Variants in SGCB observed in about 807,000 individuals in gnomAD.
SGCB encodes sarcoglycan beta, also known as beta-sarcoglycan.
SGCB carries 25 observed loss-of-function variants against 27.3 expected under a neutral mutation model. That is an observed-to-expected ratio of 0.92 (90% confidence interval 0.67 to 1.28). The LOEUF is 1.28. Ranked by LOEUF, SGCB falls within the 50% of genes most tolerant of loss-of-function variation. SGCB has a pLI of 0.00. For missense variants in SGCB, 436 were observed against 402.1 expected (o/e 1.08, Z -0.72); for synonymous variants, 147 against 133.5 (o/e 1.10, Z -0.70).
chr4:52,024,075 C>G lies in SGCB; in HGVS notation c.839G>C (p.Gly280Ala). 2 of 1,613,940 alleles carry G rather than the reference C, an allele frequency of 1.2e-6. No individual in the cohort carries two copies. The highest frequency in any genetic ancestry group is 1.7e-6 in the Non-Finnish European group (2 of 1,179,942). ...GCAGAGCTTGTAGCGTACCCAGTCA[C>G]CACTACCCAACTGGTCTCCACTGGA... ...SSSSGDQLGS[G>A]DWVRYKLCMC... Residue 280 changes from glycine (G) to alanine (A), a missense_variant, in exon 6 of 6, where the codon GGT becomes GCT. By Grantham distance (60) the Gly-to-Ala change is moderately conservative. Coordinates refer to ENST00000381431, the MANE Select transcript of SGCB (RefSeq NM_000232.5).
Position 52,033,649 on chromosome 4 carries a change from G to A in SGCB, c.34-9C>T, listed in dbSNP as rs886059439. 1 of 1,601,712 alleles carries A rather than the reference G, an allele frequency of 6.2e-7. No individual in the cohort carries two copies. The highest frequency in any genetic ancestry group is 1.1e-5 in the South Asian group (1 of 90,858). On this transcript the variant is annotated splice_polypyrimidine_tract_variant and intron_variant, in intron 1 of 5. Coordinates refer to ENST00000381431, the MANE Select transcript of SGCB (RefSeq NM_000232.5). ...GGACCATTGGAACTTTGCTAAAAAT[G>A]AAATACAACATAATGGAACAGCTAT...
At chr4:52,032,903 T>C (rs1427087802) in intron 2 of SGCB, among the ~76,000 whole-genome samples, 1 of 152,242 alleles carries the variant, frequency 6.6e-6, no homozygotes, top group African/African-American at 2.4e-5. Context: ...TATCAGGTCC[T>C]CAGTACTTTA....
rs1424967548 is a variant in SGCB at position 52,023,363 on chromosome 4, A to G, written c.*594T>C. 1 of 152,964 alleles carries G rather than the reference A, an allele frequency of 6.5e-6. No individual in the cohort carries two copies. Among genetic ancestry groups the G allele is most frequent in the African/African-American group, 2.4e-5 (1 of 41,450 alleles). The allele number at this position is 152,964 out of a possible 1,614,324, so 9.5% of individuals were successfully genotyped here. On this transcript the variant is annotated 3_prime_UTR_variant, in exon 6 of 6. Transcript: ENST00000381431. ...TTCCACCACATTGTGAACAATTGAT[A>G]GTTATCATTATTTCAAATAAACATT...
At chr4:52,027,771 T>C (rs560020839) in intron 5 of SGCB, among the ~76,000 whole-genome samples, 197 bp downstream of exon 5, 2 of 152,328 alleles carry the variant, frequency 1.3e-5, no homozygotes, top group Non-Finnish European at 2.9e-5. Flanking sequence ...TAAACATACA[T>C]ATGTTCTGAA....
rs758245081 is a variant in SGCB, at chr4:52,038,248, C to A, written c.12G>T (p.Ala4=). The change falls in exon 1 of 6, where the codon GCG becomes GCT. Residue 4 remains alanine, a synonymous_variant. Transcript: ENST00000381431. MAA[A]AAAAAEQQSS... is the part of the protein sequence containing the mutation. ...AGACCTGTTCTGCAGCCGCCGCCGC[C>A]GCTGCCGCCATCTTCCCGCGCCCGC... 6 of 1,288,590 alleles carry A rather than the reference C, an allele frequency of 4.7e-6. No individual in the cohort carries two copies. In the East Asian group the frequency reaches 2.0e-4, roughly 43 times the overall value. The allele number at this position is 1,288,590 out of a possible 1,614,324, so 79.8% of individuals were successfully genotyped here. A position where few individuals can be genotyped will look rare whatever the true frequency, so the allele number is the denominator to read the frequency against.
intron 4 of SGCB, among the ~76,000 whole-genome samples, 199 bp downstream of exon 4, chr4:52,028,531 G>C (rs898090538): frequency 6.6e-6 from 1 of 152,110 alleles, no homozygotes; most frequent in African/African-American, 2.4e-5. Context: ...AGCTACACGG[G>C]AGGCTGAGGC....
chr4:52,029,369 A>G (rs1737189324), intron 3 of SGCB, among the ~76,000 whole-genome samples: 1 of 152,242 alleles, frequency 6.6e-6, no homozygotes, highest in Admixed American at 6.5e-5. Flanking sequence ...GGAGGAGAAA[A>G]GAGTAACCTA....
chr4:52,021,521 G>A lies in SGCB; in HGVS notation c.*2436C>T, dbSNP rs1172089721. 6.6e-6 allele frequency: 1 copy of A among 152,606 alleles called. No individual in the cohort carries two copies. Among genetic ancestry groups the A allele is most frequent in the Non-Finnish European group, 1.5e-5 (1 of 68,366 alleles). 9.5% of individuals were successfully genotyped at this position (152,606 alleles called of 1,614,324 possible). ...AAAATACAAAAATTAGCCGGGAACT[G>A]TGGCACATGCCTGTAGTCCCAGGTA... On this transcript the variant is annotated 3_prime_UTR_variant, in exon 6 of 6. Coordinates refer to ENST00000381431, the MANE Select transcript of SGCB (RefSeq NM_000232.5).
intron 1 of SGCB, 140 bp from the exon 2 acceptor site, chr4:52,033,780 A>C: frequency 1.4e-6 from 1 of 721,180 alleles, no homozygotes; most frequent in South Asian, 1.5e-5. Context: ...AATCACATTG[A>C]GTTGCAGTTC....
intron 1 of SGCB, among the ~76,000 whole-genome samples, chr4:52,034,936 T>G (rs1025322157): frequency 5.3e-5 from 8 of 152,190 alleles, no homozygotes; most frequent in Non-Finnish European, 1.0e-4. Context: ...CTTTAAAAAT[T>G]TCTCCATTTT....
At position 52,023,699 on chromosome 4, in the gene SGCB, A is replaced by C. The variant is rs1737011508; in HGVS notation, c.*258T>G. The C allele has an allele frequency of 4.6e-6, 2 of 434,420 alleles. No individual in the cohort carries two copies. The highest frequency in any genetic ancestry group is 4.0e-5 in the African/African-American group (2 of 50,298). The allele number at this position is 434,420 out of a possible 1,614,324, so 26.9% of individuals were successfully genotyped here. A position where few individuals can be genotyped will look rare whatever the true frequency, so the allele number is the denominator to read the frequency against. ...AGTGGAATTTTAAAAACACGTCTTT[A>C]AACATGACTTTTGATTTTATTTGCT... On this transcript the variant is annotated 3_prime_UTR_variant, in exon 6 of 6. Coordinates refer to ENST00000381431, the MANE Select transcript of SGCB (RefSeq NM_000232.5).
At chr4:52,029,443 T>C (rs1737190558) in intron 3 of SGCB, among the ~76,000 whole-genome samples, 1 of 152,172 alleles carries the variant, frequency 6.6e-6, no homozygotes, top group South Asian at 2.1e-4. Flanking sequence ...TCTCAAATAT[T>C]AAGAAATCAT....
rs756671704 is a variant in SGCB at position 52,024,058 on chromosome 4, T to C, written c.856A>G (p.Lys286Glu). 2 of 1,614,096 alleles carry C rather than the reference T, an allele frequency of 1.2e-6. No homozygotes were observed. Among genetic ancestry groups the C allele is most frequent in the South Asian group, 2.2e-5 (2 of 91,078 alleles). ...GTCCCATCAGCACACATGCAGAGCT[T>C]GTAGCGTACCCAGTCACCACTACCC... ...QLGSGDWVRY[K>E]LCMCADGTLF... Residue 286 changes from lysine to glutamate, a missense_variant, in exon 6 of 6, where the codon AAG becomes GAG. By Grantham distance (56) the Lys-to-Glu change is moderately conservative. Transcript: ENST00000381431.
At chr4:52,032,761 T>C (rs1466347649) in intron 2 of SGCB, among the ~76,000 whole-genome samples, 1 of 152,200 alleles carries the variant, frequency 6.6e-6, no homozygotes, top group East Asian at 1.9e-4. Context: ...CTTAAGTATA[T>C]CAATAATCAT....
chr4:52,025,864 G>C (rs1436100060), intron 5 of SGCB, among the ~76,000 whole-genome samples: 2 of 152,176 alleles, frequency 1.3e-5, no homozygotes, highest in African/African-American at 2.4e-5. Context: ...GCTTTGCTAT[G>C]GACTGATGGG....
At chr4:52,033,751 T>C (rs1268125648) in intron 1 of SGCB, 111 bp from the exon 2 acceptor site, 11 of 804,264 alleles carry the variant, frequency 1.4e-5, no homozygotes, top group Non-Finnish European at 2.4e-5. Flanking sequence ...ACTGACACAT[T>C]TTCCATGAAT....
At position 52,022,848 on chromosome 4, in the gene SGCB, C is replaced by T. The variant is rs1027180909; in HGVS notation, c.*1109G>A. 1.1e-4 allele frequency: 16 copies of T among 152,168 alleles called. No individual in the cohort carries two copies. The highest frequency in any genetic ancestry group is 2.2e-4 in the Non-Finnish European group (15 of 68,034). 9.4% of individuals were successfully genotyped at this position (152,168 alleles called of 1,614,324 possible). On this transcript the variant is annotated 3_prime_UTR_variant, in exon 6 of 6. Coordinates refer to ENST00000381431, the MANE Select transcript of SGCB (RefSeq NM_000232.5). ...AAGTAGGTAAATTTGACCTCTCCAT[C>T]GTATAATATTTTGGAATTGGCCCAA...
chr4:52,024,827 C>CAAAA (rs3050627), intron 5 of SGCB, among the ~76,000 whole-genome samples: 3 of 55,876 alleles, frequency 5.4e-5, no homozygotes, highest in Admixed American at 2.5e-4. Context: ...GACACTGTCT[C>CAAAA]AAAAAAAAAA....
intron 2 of SGCB, chr4:52,031,810 G>T: frequency 2.3e-6 from 1 of 432,926 alleles, no homozygotes; most frequent in South Asian, 1.7e-5. Flanking sequence ...TTATTTGAGG[G>T]GTAGGGCTTG....
Sources: allele counts gnomAD v4.1 joint callset (sites outside exome capture counted in the v4.1 genomes callset), GRCh38; gene constraint gnomAD v4.1.1; transcripts MANE v1.5; gene names NCBI Gene and HGNC (gene_info 2026-07-23, HGNC 2026-07-21).